Variants in PRRX1 observed in about 807,000 individuals in gnomAD.
PRRX1 encodes paired related homeobox 1.
In PRRX1, 8 loss-of-function variants were observed where a neutral mutation model predicts 24.0. The ratio of observed to expected loss-of-function variants is 0.33; its 90% CI spans 0.20 to 0.60. PRRX1 has a LOEUF of 0.60. Ranked by LOEUF, PRRX1 falls within the 20% of genes least tolerant of loss-of-function variation. The pLI, the probability that PRRX1 is intolerant of heterozygous loss-of-function variation, is 0.82. For synonymous variants in PRRX1, 160 were observed against 131.7 expected, an observed-to-expected ratio of 1.22 and a Z score of -1.47; for missense variants, 281 against 322.4, an observed-to-expected ratio of 0.87 and a Z score of 0.98.
chr1:170,707,740 A>G (rs1484802475), intron 1 of PRRX1, among the ~76,000 whole-genome samples: 2 of 152,208 alleles, frequency 1.3e-5, no homozygotes, highest in Non-Finnish European at 2.9e-5. Flanking sequence ...ACTTTTACCA[A>G]TTGTTGGAAA....
intron 1 of PRRX1, among the ~76,000 whole-genome samples, chr1:170,665,834 G>T (rs1332935526): frequency 6.6e-6 from 1 of 152,346 alleles, no homozygotes; most frequent in East Asian, 1.9e-4. Context: ...GCGGCCTAGG[G>T]CCGATCCACC....
intron 3 of PRRX1, chr1:170,730,063 G>T: frequency 1.6e-6 from 1 of 623,110 alleles, no homozygotes. Flanking sequence ...ATAGTGAATG[G>T]CCTGGTTTTG....
At chr1:170,681,710 C>A (rs1292833585) in intron 1 of PRRX1, among the ~76,000 whole-genome samples, 1 of 152,118 alleles carries the variant, frequency 6.6e-6, no homozygotes, top group Admixed American at 6.6e-5. Context: ...GCCACCCAGC[C>A]CTTATGAGCT....
intron 1 of PRRX1, among the ~76,000 whole-genome samples, chr1:170,702,059 C>T (rs1244626403): frequency 1.3e-5 from 2 of 152,114 alleles, no homozygotes; most frequent in East Asian, 3.9e-4. Context: ...CTCCTCGGCT[C>T]ATCAGGCATT....
At chr1:170,684,726 C>G (rs1443620958) in intron 1 of PRRX1, among the ~76,000 whole-genome samples, 1 of 152,150 alleles carries the variant, frequency 6.6e-6, no homozygotes. Flanking sequence ...GCATTCCAGC[C>G]TGGACAACAG....
chr1:170,714,833 G>A (rs1443074824), intron 1 of PRRX1, among the ~76,000 whole-genome samples: 1 of 152,136 alleles, frequency 6.6e-6, no homozygotes, highest in African/African-American at 2.4e-5. Flanking sequence ...CTAGAGCCGA[G>A]GTCAGGGCTA....
chr1:170,705,119 T>C (rs1358005575), intron 1 of PRRX1, among the ~76,000 whole-genome samples: 4 of 146,256 alleles, frequency 2.7e-5, no homozygotes, highest in African/African-American at 1.1e-4. Flanking sequence ...TACCCCATTC[T>C]TTTTTTTTGT....
chr1:170,702,478 T>C (rs1654417386), intron 1 of PRRX1, among the ~76,000 whole-genome samples: 1 of 152,128 alleles, frequency 6.6e-6, no homozygotes, highest in African/African-American at 2.4e-5. Context: ...CCCTATGGAG[T>C]TGGCAGTGCT....
At chr1:170,726,668 G>A in intron 3 of PRRX1, 1 of 427,938 alleles carries the variant, frequency 2.3e-6, no homozygotes, top group Non-Finnish European at 4.2e-6. Flanking sequence ...AGATGAGGAA[G>A]AATCTAAAAG....
At chr1:170,665,974 A>C (rs1361084703) in intron 1 of PRRX1, among the ~76,000 whole-genome samples, 1 of 152,272 alleles carries the variant, frequency 6.6e-6, no homozygotes, top group African/African-American at 2.4e-5. Context: ...AGGCGCAGAG[A>C]CAGAGACGTT....
intron 1 of PRRX1, among the ~76,000 whole-genome samples, chr1:170,701,708 TTATTA>T (rs1167510683): frequency 6.6e-6 from 1 of 152,106 alleles, no homozygotes; most frequent in Non-Finnish European, 1.5e-5. Flanking sequence ...AAAATATATT[TTATTA>T]TATTATTATT....
chr1:170,666,132 A>G (rs948839712), intron 1 of PRRX1, among the ~76,000 whole-genome samples: 49 of 152,236 alleles, frequency 3.2e-4, no homozygotes, highest in Non-Finnish European at 1.6e-4. Flanking sequence ...CGAAAAATGT[A>G]GGGAGAGTCC....
intron 1 of PRRX1, among the ~76,000 whole-genome samples, chr1:170,713,977 C>T (rs528623264): frequency 2.6e-5 from 4 of 152,216 alleles, no homozygotes; most frequent in African/African-American, 7.2e-5. Context: ...GATGGAGGAC[C>T]GCTGAAGGGC....
At chr1:170,697,151 C>G (rs1439064838) in intron 1 of PRRX1, among the ~76,000 whole-genome samples, 1 of 152,128 alleles carries the variant, frequency 6.6e-6, no homozygotes, top group African/African-American at 2.4e-5. Flanking sequence ...TGCACACGCT[C>G]TCCAGGCAGG....
intron 3 of PRRX1, among the ~76,000 whole-genome samples, chr1:170,733,793 C>T (rs1327522223): frequency 1.3e-5 from 2 of 151,834 alleles, no homozygotes; most frequent in Admixed American, 1.3e-4. Flanking sequence ...CTTGGTATAC[C>T]CTAGAAATTT....
Position 170,737,334 on chromosome 1 carries a change from A to G in PRRX1, c.*1148A>G, listed in dbSNP as rs962315010. On this transcript the variant is annotated 3_prime_UTR_variant, in exon 4 of 4. Coordinates refer to ENST00000239461, the MANE Select transcript of PRRX1 (RefSeq NM_022716.4). The stretch of plus-strand genomic sequence containing the variant: ...ACGAAGTTTTCATTAAAGCCACAGA[A>G]TAATTGATAGGGCAGCTGTTTGAGA... 5.2e-6 allele frequency: 1 copy of G among 190,628 alleles called. No individual in the cohort carries two copies. Among genetic ancestry groups the G allele is most frequent in the Non-Finnish European group, 1.1e-5 (1 of 90,738 alleles). 11.8% of individuals were successfully genotyped at this position (190,628 alleles called of 1,614,324 possible). A position where few individuals can be genotyped will look rare whatever the true frequency, so the allele number is the denominator to read the frequency against.
chr1:170,709,379 T>C (rs1430574531), intron 1 of PRRX1, among the ~76,000 whole-genome samples: 1 of 152,186 alleles, frequency 6.6e-6, no homozygotes, highest in African/African-American at 2.4e-5. Context: ...AAGAAAATTA[T>C]GTTTTTATCA....
In PRRX1 at chr1:170,736,753, G is replaced by C. The variant is rs1655622200; in HGVS notation, c.*567G>C. Reference sequence around the variant, plus strand: ...ATTGTCTCCATCTTTGTTGGTCATGGTAAGGTTTTTCCATCAGCCTCTGAA... The same window carrying C: ...ATTGTCTCCATCTTTGTTGGTCATGCTAAGGTTTTTCCATCAGCCTCTGAA... On this transcript the variant is annotated 3_prime_UTR_variant, in exon 4 of 4. Coordinates refer to ENST00000239461, the MANE Select transcript of PRRX1 (RefSeq NM_022716.4). The C allele has an allele frequency of 5.6e-6, 1 of 178,710 alleles. No individual in the cohort carries two copies. Among genetic ancestry groups the C allele is most frequent in the East Asian group, 8.2e-5 (1 of 12,262 alleles). 11.1% of individuals were successfully genotyped at this position (178,710 alleles called of 1,614,324 possible). A position where few individuals can be genotyped will look rare whatever the true frequency, so the allele number is the denominator to read the frequency against.
chr1:170,699,743 T>C (rs1240921119), intron 1 of PRRX1, among the ~76,000 whole-genome samples: 1 of 150,094 alleles, frequency 6.7e-6, no homozygotes, highest in Admixed American at 6.7e-5. Flanking sequence ...AAAGTGCAAG[T>C]GAATGGATTT....
Sources: gnomAD v4.1 joint callset for allele counts (sites outside exome capture counted in the v4.1 genomes callset) on GRCh38, gnomAD v4.1.1 for gene constraint, MANE v1.5 for transcripts, NCBI Gene and HGNC (gene_info 2026-07-23, HGNC 2026-07-21) for gene names.